The following RBFOX1 variants were observed in gnomAD, a reference collection of about 807,000 sequenced individuals.
RBFOX1 encodes RNA binding protein fox-1 homolog 1.
A neutral mutation model predicts 57.7 loss-of-function variants in RBFOX1; 8 were observed. The observed-to-expected ratio is 0.14, with a 90% confidence interval of 0.08 to 0.25. RBFOX1 has a LOEUF of 0.25. RBFOX1 is among the 10% of genes least tolerant of loss of function. RBFOX1 has a pLI of 1.00. For missense variants in RBFOX1, 611 were observed against 548.5 expected (o/e 1.11, Z -1.14); for synonymous variants, 326 against 222.4 (o/e 1.47, Z -4.15).
At chr16:6,840,163 C>T (rs1195823187) in intron 3 of RBFOX1, among the ~76,000 whole-genome samples, 1 of 152,058 alleles carries the variant, frequency 6.6e-6, no homozygotes, top group Non-Finnish European at 1.5e-5. Flanking sequence ...CACCGTTTTG[C>T]CAGTTAAGGT....
intron 1 of RBFOX1, among the ~76,000 whole-genome samples, chr16:5,451,243 A>C (rs2068417694): frequency 6.6e-6 from 1 of 152,070 alleles, no homozygotes; most frequent in Admixed American, 6.6e-5. Context: ...CCCCCACTTC[A>C]CTCTGAAGAA....
intron 4 of RBFOX1, among the ~76,000 whole-genome samples, chr16:7,232,371 C>G (rs1429670019): frequency 6.6e-6 from 1 of 152,048 alleles, no homozygotes; most frequent in Non-Finnish European, 1.5e-5. Flanking sequence ...ATAAAATGGG[C>G]AAAAGATGCC....
At chr16:7,474,827 G>A (rs545892534) in intron 4 of RBFOX1, among the ~76,000 whole-genome samples, 1 of 152,334 alleles carries the variant, frequency 6.6e-6, no homozygotes, top group South Asian at 2.1e-4. Context: ...TTTAGCCACA[G>A]TAAGCATTCT....
At chr16:6,894,715 T>A (rs915441659) in intron 3 of RBFOX1, among the ~76,000 whole-genome samples, 2 of 152,206 alleles carry the variant, frequency 1.3e-5, no homozygotes, top group African/African-American at 4.8e-5. Flanking sequence ...GAATTAAAAT[T>A]TTGTAAAAAG....
At chr16:7,607,904 C>T (rs1286432691) in intron 10 of RBFOX1, among the ~76,000 whole-genome samples, 1 of 152,196 alleles carries the variant, frequency 6.6e-6, no homozygotes, top group Non-Finnish European at 1.5e-5. Context: ...TCTCTCCTCA[C>T]CCCTTCCCTG....
At chr16:6,707,959 G>A (rs2154148215) in intron 3 of RBFOX1, among the ~76,000 whole-genome samples, 1 of 152,230 alleles carries the variant, frequency 6.6e-6, no homozygotes, top group African/African-American at 2.4e-5. Flanking sequence ...GGTAGAAGCA[G>A]GATGCATTGT....
intron 4 of RBFOX1, among the ~76,000 whole-genome samples, chr16:5,868,250 C>T (rs74004658): frequency 0.053 from 8,031 of 152,238 alleles, 523 homozygotes; most frequent in African/African-American, 0.16. Context: ...GACCCAGGTC[C>T]CAGGAGCCCA....
intron 4 of RBFOX1, among the ~76,000 whole-genome samples, chr16:7,127,171 A>G (rs943133003): frequency 6.6e-6 from 1 of 152,150 alleles, no homozygotes; most frequent in African/African-American, 2.4e-5. Context: ...TTTCAGAGAA[A>G]GAAAAGTCTC....
At chr16:7,038,252 G>C (rs544931686) in intron 3 of RBFOX1, among the ~76,000 whole-genome samples, 196 of 152,212 alleles carry the variant, frequency 1.3e-3, no homozygotes, top group African/African-American at 4.6e-3. Context: ...AGGACATTTT[G>C]GTGAGTATTG....
chr16:6,347,271 A>T (rs1049196459), intron 2 of RBFOX1, among the ~76,000 whole-genome samples: 13 of 152,150 alleles, frequency 8.5e-5, no homozygotes, highest in African/African-American at 3.1e-4. Context: ...AGTGAACGGG[A>T]GATGGTTCTC....
intron 3 of RBFOX1, among the ~76,000 whole-genome samples, chr16:6,870,784 C>G (rs1321994483): frequency 1.3e-5 from 2 of 152,208 alleles, no homozygotes; most frequent in African/African-American, 2.4e-5. Flanking sequence ...AACTGTTTCA[C>G]TACTAGCAAC....
intron 3 of RBFOX1, chr16:6,705,605 A>G (rs1012499026): frequency 6.6e-6 from 1 of 152,216 alleles, no homozygotes; most frequent in Non-Finnish European, 1.5e-5. Flanking sequence ...GGACTCAGCT[A>G]TGAAATATAC....
intron 4 of RBFOX1, among the ~76,000 whole-genome samples, chr16:5,966,133 A>C (rs1438102671): frequency 6.6e-6 from 1 of 152,202 alleles, no homozygotes. Context: ...CAAGTAAACA[A>C]ATTGTAAATT....
intron 3 of RBFOX1, among the ~76,000 whole-genome samples, chr16:6,790,273 C>T (rs1423462642): frequency 1.3e-5 from 2 of 151,544 alleles, no homozygotes; most frequent in Non-Finnish European, 2.9e-5. Flanking sequence ...CAACCTCTGC[C>T]TCCAGGGTTC....
intron 4 of RBFOX1, among the ~76,000 whole-genome samples, chr16:5,889,442 A>G (rs2057990431): frequency 6.6e-6 from 1 of 152,186 alleles, no homozygotes; most frequent in South Asian, 2.1e-4. Flanking sequence ...TCTGTGTGCC[A>G]CATTTTCTTT....
rs937030719 is a variant in RBFOX1 at position 7,165,507 on chromosome 16, G to A, written c.27+113409G>A. On this transcript the variant is annotated intron_variant, in intron 4 of 15. Coordinates refer to ENST00000550418, the MANE Select transcript of RBFOX1 (RefSeq NM_018723.4). Reference sequence around the variant, plus strand: ...TGCAATGGCATGATCTCGGCTCACCGCACCCTCCACCTCCTGGAATCAAGC... The same window carrying A: ...TGCAATGGCATGATCTCGGCTCACCACACCCTCCACCTCCTGGAATCAAGC... Among the ~76,000 whole-genome samples, 233 of 151,548 alleles carry A rather than the reference G, an allele frequency of 1.5e-3. 1 individual carries two copies. The highest frequency in any genetic ancestry group is 5.2e-3 in the African/African-American group (215 of 41,268).
chr16:6,550,498 G>A (rs543173957), intron 2 of RBFOX1, among the ~76,000 whole-genome samples: 8 of 152,062 alleles, frequency 5.3e-5, no homozygotes, highest in South Asian at 2.1e-4. Flanking sequence ...CCTAATTTTC[G>A]TGTTTTCAGT....
intron 4 of RBFOX1, among the ~76,000 whole-genome samples, chr16:5,912,316 A>G (rs1286819821): frequency 6.6e-6 from 1 of 152,132 alleles, no homozygotes; most frequent in African/African-American, 2.4e-5. Flanking sequence ...CACATAATAA[A>G]TGTTAGCCGT....
At chr16:7,705,585 CAG>C (rs1252643181) in intron 14 of RBFOX1, among the ~76,000 whole-genome samples, 2 of 152,134 alleles carry the variant, frequency 1.3e-5, no homozygotes, top group African/African-American at 2.4e-5. Flanking sequence ...GAAAGAGGGA[CAG>C]AGGCAGCTTA....
Sources: gnomAD v4.1 joint callset for allele counts (sites outside exome capture counted in the v4.1 genomes callset) on GRCh38, gnomAD v4.1.1 for gene constraint, MANE v1.5 for transcripts, NCBI Gene and HGNC (gene_info 2026-07-23, HGNC 2026-07-21) for gene names.